Variants in ARRB1 observed in about 807,000 individuals in gnomAD.
The protein encoded by ARRB1 is beta-arrestin-1.
In ARRB1, 21 loss-of-function variants were observed where a neutral mutation model predicts 56.8. The observed-to-expected ratio is 0.37, with a 90% CI of 0.26 to 0.53. The LOEUF is 0.53. Ranked by LOEUF, ARRB1 falls within the 20% of genes least tolerant of loss-of-function variation. The probability of loss-of-function intolerance (pLI) is 0.88; values close to 1 mark genes in which losing one functional copy is unlikely to be tolerated. For synonymous variants in ARRB1, 210 were observed against 218.6 expected (o/e 0.96, Z 0.35); for missense variants, 424 against 553.7 (o/e 0.77, Z 2.35).
At chr11:75,312,798 T>C (rs1947190411) in intron 1 of ARRB1, among the ~76,000 whole-genome samples, 1 of 152,132 alleles carries the variant, frequency 6.6e-6, no homozygotes, top group South Asian at 2.1e-4. Context: ...AGCTGGAGGA[T>C]GGGGCTGGGA....
At chr11:75,327,035 C>T (rs190422537) in intron 1 of ARRB1, among the ~76,000 whole-genome samples, 8 of 144,810 alleles carry the variant, frequency 5.5e-5, no homozygotes, top group African/African-American at 1.7e-4. Flanking sequence ...TAATTTTGTG[C>T]TGGGCGTGGT....
chr11:75,312,014 G>C, intron 1 of ARRB1: 1 of 1,284,332 alleles, frequency 7.8e-7, no homozygotes, highest in African/African-American at 1.5e-5. Flanking sequence ...CGAAGGCCCA[G>C]ATCGGAGGCC....
intron 6 of ARRB1, 112 bp downstream of exon 6, chr11:75,281,848 CTG>C (rs1946350468): frequency 9.1e-7 from 1 of 1,093,994 alleles, no homozygotes; most frequent in Non-Finnish European, 1.3e-6. Flanking sequence ...GACACAAAGA[CTG>C]TTCAACAGGG....
rs1945815893 is a variant in ARRB1, at chr11:75,262,439, A to T, written c.*3724T>A. 1 of 152,216 alleles carries T rather than the reference A, an allele frequency of 6.6e-6. No homozygotes were observed. The highest frequency in any genetic ancestry group is 2.4e-5 in the African/African-American group (1 of 41,444). The allele number at this position is 152,216 out of a possible 1,614,324, so 9.4% of individuals were successfully genotyped here. On this transcript the variant is annotated 3_prime_UTR_variant, in exon 16 of 16. Coordinates refer to ENST00000420843, the MANE Select transcript of ARRB1 (RefSeq NM_004041.5). ...AATTTCCCTCTCAGCTGGGTCATCA[A>T]AGCCAAATTGGCTGTATCTCATTCT...
At chr11:75,283,905 C>G (rs576363826) in intron 4 of ARRB1, among the ~76,000 whole-genome samples, 1 of 152,242 alleles carries the variant, frequency 6.6e-6, no homozygotes, top group East Asian at 1.9e-4. Flanking sequence ...ACAGCTCAGT[C>G]TGCACTCTTG....
chr11:75,282,726 G>A (rs1332538401), intron 5 of ARRB1, among the ~76,000 whole-genome samples: 1 of 152,190 alleles, frequency 6.6e-6, no homozygotes. Context: ...GCAGCCATAG[G>A]GAGCTAACAT....
At chr11:75,315,904 C>T (rs770741241) in intron 1 of ARRB1, among the ~76,000 whole-genome samples, 3 of 152,188 alleles carry the variant, frequency 2.0e-5, no homozygotes, top group Non-Finnish European at 4.4e-5. Context: ...GAGGAAAATA[C>T]ACTCACGCCA....
rs1945799492 is a variant in ARRB1, at chr11:75,261,895, A to T, written c.*4268T>A. On this transcript the variant is annotated 3_prime_UTR_variant, in exon 16 of 16. Coordinates refer to ENST00000420843, the MANE Select transcript of ARRB1 (RefSeq NM_004041.5). Reference sequence around the variant, plus strand: ...ACAGGCATAGGCCTATGTCCATGAGACCCTATAAGAGTGTAAGACTGGGAC... The same window carrying T: ...ACAGGCATAGGCCTATGTCCATGAGTCCCTATAAGAGTGTAAGACTGGGAC... 6.6e-6 allele frequency: 1 copy of T among 152,170 alleles called. No individual in the cohort carries two copies. The highest frequency in any genetic ancestry group is 2.4e-5 in the African/African-American group (1 of 41,430). 9.4% of individuals were successfully genotyped at this position (152,170 alleles called of 1,614,324 possible).
At chr11:75,281,782 C>A (rs1946349620) in intron 6 of ARRB1, 180 bp downstream of exon 6, 2 of 635,244 alleles carry the variant, frequency 3.1e-6, no homozygotes, top group East Asian at 2.8e-5. Flanking sequence ...TGACCCCGTA[C>A]CTGCTGCCCT....
At chr11:75,343,845 T>C (rs1947727098) in intron 1 of ARRB1, among the ~76,000 whole-genome samples, 1 of 151,778 alleles carries the variant, frequency 6.6e-6, no homozygotes, top group African/African-American at 2.4e-5. Context: ...TCTTGCTCTG[T>C]CCCTCTGTCG....
chr11:75,271,691 A>G lies in ARRB1; in HGVS notation c.1022+10T>C. On this transcript the variant is annotated intron_variant, in intron 13 of 15. Transcript: ENST00000420843. ...AAGGTGGGTGAACCAGGTGGAAGGG[A>G]GGAATTTACCTGGATGCAAGATCTC... is the stretch of plus-strand genomic sequence containing the variant. 2 of 1,565,080 alleles carry G rather than the reference A, an allele frequency of 1.3e-6. No individual in the cohort carries two copies. The highest frequency in any genetic ancestry group is 1.7e-6 in the Non-Finnish European group (2 of 1,154,540).
At chr11:75,340,562 T>TG (rs1947679021) in intron 1 of ARRB1, among the ~76,000 whole-genome samples, 1 of 152,182 alleles carries the variant, frequency 6.6e-6, no homozygotes, top group Admixed American at 6.5e-5. Context: ...CTGTGGGGGC[T>TG]GGGGGTCTTT....
intron 3 of ARRB1, among the ~76,000 whole-genome samples, chr11:75,286,746 G>A (rs1172581475): frequency 6.6e-6 from 1 of 152,142 alleles, no homozygotes; most frequent in Non-Finnish European, 1.5e-5. Flanking sequence ...ACAAGAACTT[G>A]GAAGGTGCCT....
At position 75,261,604 on chromosome 11, in the gene ARRB1, C is replaced by T. The variant is rs1439566132; in HGVS notation, c.*4559G>A. On this transcript the variant is annotated 3_prime_UTR_variant, in exon 16 of 16. Transcript: ENST00000420843. Reference sequence around the variant, plus strand: ...AAACCATAGGCCCCACGGACCTGTGCTTTGACTTCCCTTTTGGGGTGACGA... The same window carrying T: ...AAACCATAGGCCCCACGGACCTGTGTTTTGACTTCCCTTTTGGGGTGACGA... The T allele has an allele frequency of 1.3e-5, 2 of 152,204 alleles. No homozygotes were observed. Among genetic ancestry groups the T allele is most frequent in the African/African-American group, 4.8e-5 (2 of 41,440 alleles). The allele number at this position is 152,204 out of a possible 1,614,324, so 9.4% of individuals were successfully genotyped here.
At position 75,282,019 on chromosome 11, in the gene ARRB1, G is replaced by T. The variant is rs752632582; in HGVS notation, c.357C>A (p.Ile119=). ...GEHAYPFTFE[I]PPNLPCSVTL... The stretch of plus-strand genomic sequence containing the variant: ...TCACAGAACATGGAAGGTTTGGAGG[G>T]ATCTGTCAAGAAGAGGACAGAACGA... Residue 119 remains isoleucine, a splice_region_variant and synonymous_variant, in exon 6 of 16, where the codon ATC becomes ATA. Coordinates refer to ENST00000420843, the MANE Select transcript of ARRB1 (RefSeq NM_004041.5). 5.0e-6 allele frequency: 8 copies of T among 1,614,070 alleles called. No individual in the cohort carries two copies. Among genetic ancestry groups the T allele is most frequent in the Non-Finnish European group, 6.8e-6 (8 of 1,179,996 alleles).
chr11:75,303,210 C>T (rs1294811216), intron 1 of ARRB1, among the ~76,000 whole-genome samples: 1 of 152,096 alleles, frequency 6.6e-6, no homozygotes, highest in Non-Finnish European at 1.5e-5. Context: ...CCATGTTGGC[C>T]AGGCTGGTCT....
intron 1 of ARRB1, among the ~76,000 whole-genome samples, chr11:75,300,490 C>T (rs1250891410): frequency 6.6e-6 from 1 of 152,130 alleles, no homozygotes; most frequent in Non-Finnish European, 1.5e-5. Context: ...TAATCACTCA[C>T]AATACTGCCT....
chr11:75,340,901 C>A (rs776399307), intron 1 of ARRB1, among the ~76,000 whole-genome samples: 1 of 152,138 alleles, frequency 6.6e-6, no homozygotes, highest in Non-Finnish European at 1.5e-5. Flanking sequence ...AGGGGAGTGG[C>A]GCCAGCAGCC....
chr11:75,311,899 C>T (rs1270977325), intron 1 of ARRB1, among the ~76,000 whole-genome samples: 1 of 152,220 alleles, frequency 6.6e-6, no homozygotes, highest in African/African-American at 2.4e-5. Context: ...CACACTCCTC[C>T]GGCCACCAGG....
Sources: allele counts gnomAD v4.1 joint callset (sites outside exome capture counted in the v4.1 genomes callset), GRCh38; gene constraint gnomAD v4.1.1; transcripts MANE v1.5; gene names NCBI Gene and HGNC (gene_info 2026-07-23, HGNC 2026-07-21).